Variants in EEA1 observed in about 807,000 individuals in gnomAD.
EEA1 encodes early endosome antigen 1, 162kD.
EEA1 carries 111 observed loss-of-function variants against 209.2 expected under a neutral mutation model. The observed-to-expected ratio is 0.53, with a 90% CI of 0.45 to 0.62. The LOEUF (loss-of-function observed/expected upper bound fraction) is 0.62, where lower values mean the gene tolerates loss of function less well. Ranked by LOEUF, EEA1 falls within the 20% of genes least tolerant of loss-of-function variation. EEA1 has a pLI of 0.00. For synonymous variants in EEA1, 536 were observed against 540.6 expected (o/e 0.99, Z 0.12); for missense variants, 1,343 against 1,530.8 (o/e 0.88, Z 2.05).
intron 10 of EEA1, among the ~76,000 whole-genome samples, chr12:92,834,577 TATAAG>T (rs999512469): frequency 7.3e-6 from 1 of 137,258 alleles, no homozygotes; most frequent in African/African-American, 2.6e-5. Context: ...AAAGAGTACT[TATAAG>T]AGAGGATGAC....
chr12:92,888,872 A>C (rs1879537443), intron 2 of EEA1, among the ~76,000 whole-genome samples: 1 of 152,064 alleles, frequency 6.6e-6, no homozygotes, highest in African/African-American at 2.4e-5. Flanking sequence ...AAAATGGGCC[A>C]GGCATGGTGA....
rs188411313 is a variant in EEA1 at position 92,851,152 on chromosome 12, C to A, written c.757G>T (p.Asp253Tyr). 6.2e-7 allele frequency: 1 copy of A among 1,613,638 alleles called. No homozygotes were observed. Among genetic ancestry groups the A allele is most frequent in the Non-Finnish European group, 8.5e-7 (1 of 1,179,854 alleles). Residue 253 changes from aspartate to tyrosine, a missense_variant, in exon 9 of 29, where the codon GAT becomes TAT. Coordinates refer to ENST00000322349, the MANE Select transcript of EEA1 (RefSeq NM_003566.4). ...ERERESEKLK[D>Y]ECKKLQSQYA... Reference sequence around the variant, plus strand: ...TGTGACTGCAATTTTTTGCATTCATCTTTGAGTTTTTCAGATTCTCGCTCA... The same window carrying A: ...TGTGACTGCAATTTTTTGCATTCATATTTGAGTTTTTCAGATTCTCGCTCA...
intron 2 of EEA1, 45 bp downstream of exon 2, chr12:92,891,584 T>C: frequency 7.1e-7 from 1 of 1,404,536 alleles, no homozygotes; most frequent in Non-Finnish European, 9.8e-7. Context: ...ATTTGCTCAT[T>C]TTCCCTTAAT....
chr12:92,842,689 A>C, intron 9 of EEA1, 108 bp from the exon 10 acceptor site: 1 of 701,980 alleles, frequency 1.4e-6, no homozygotes, highest in Non-Finnish European at 2.3e-6. Flanking sequence ...TGTTGTTGGA[A>C]TTTTCAATTT....
intron 1 of EEA1, among the ~76,000 whole-genome samples, chr12:92,926,205 C>T (rs1024434660): frequency 6.6e-6 from 1 of 151,968 alleles, no homozygotes; most frequent in Non-Finnish European, 1.5e-5. Flanking sequence ...GTTGGTCAGG[C>T]TGGTCTCGAA....
At chr12:92,795,556 G>A (rs1334525772) in intron 21 of EEA1, among the ~76,000 whole-genome samples, 1 of 152,172 alleles carries the variant, frequency 6.6e-6, no homozygotes, top group Non-Finnish European at 1.5e-5. Context: ...TATATTAACA[G>A]CCTAGATAAG....
chr12:92,808,799 T>C (rs112492678), intron 18 of EEA1, among the ~76,000 whole-genome samples: 13 of 152,344 alleles, frequency 8.5e-5, no homozygotes, highest in African/African-American at 3.1e-4. Flanking sequence ...GACCCAAATT[T>C]TATAAAACTA....
At chr12:92,815,557 G>A (rs1216468108) in intron 15 of EEA1, among the ~76,000 whole-genome samples, 1 of 151,928 alleles carries the variant, frequency 6.6e-6, no homozygotes, top group Non-Finnish European at 1.5e-5. Flanking sequence ...ATCAAGCCTT[G>A]AACTATTTCT....
chr12:92,813,128 T>A, intron 15 of EEA1, 35 bp from the exon 16 acceptor site: 1 of 1,377,940 alleles, frequency 7.3e-7, no homozygotes, highest in Non-Finnish European at 1.0e-6. Flanking sequence ...TAATTTATAT[T>A]TAGTTCTTGA....
intron 3 of EEA1, chr12:92,859,250 A>T: frequency 2.5e-6 from 4 of 1,610,202 alleles, no homozygotes; most frequent in Non-Finnish European, 3.4e-6. Context: ...TTCCCATGGG[A>T]AGTGCCCAAA....
intron 11 of EEA1, among the ~76,000 whole-genome samples, chr12:92,830,450 C>A (rs1876575776): frequency 6.6e-6 from 1 of 151,962 alleles, no homozygotes; most frequent in Non-Finnish European, 1.5e-5. Context: ...TATATTAGCT[C>A]GCTTAGGACA....
At chr12:92,841,431 T>A (rs1412033880) in intron 10 of EEA1, among the ~76,000 whole-genome samples, 2 of 152,078 alleles carry the variant, frequency 1.3e-5, no homozygotes, top group Non-Finnish European at 2.9e-5. Context: ...TGACACCAAA[T>A]AGACCTTAAC....
chr12:92,816,709 C>T (rs1305074724), intron 14 of EEA1, among the ~76,000 whole-genome samples: 1 of 152,212 alleles, frequency 6.6e-6, no homozygotes, highest in Non-Finnish European at 1.5e-5. Flanking sequence ...GCCATCACCA[C>T]AATCAAGATA....
At chr12:92,895,166 T>C (rs1379250648) in intron 1 of EEA1, among the ~76,000 whole-genome samples, 6 of 30,472 alleles carry the variant, frequency 2.0e-4, no homozygotes, top group Non-Finnish European at 4.2e-4. Flanking sequence ...TTTTTTTTTT[T>C]TTTTTTTGAG....
chr12:92,846,045 C>A (rs1326308623), intron 9 of EEA1, among the ~76,000 whole-genome samples: 1 of 152,116 alleles, frequency 6.6e-6, no homozygotes, highest in Admixed American at 6.6e-5. Flanking sequence ...AAACATCCTG[C>A]TGGTGCATTA....
intron 21 of EEA1, among the ~76,000 whole-genome samples, chr12:92,795,662 C>T (rs138273781): frequency 5.6e-4 from 86 of 152,298 alleles, no homozygotes; most frequent in Non-Finnish European, 1.0e-3. Context: ...TTGGTGCTAA[C>T]TGCCTATCGG....
At chr12:92,853,326 T>C (rs1284791231) in intron 6 of EEA1, among the ~76,000 whole-genome samples, 1 of 152,146 alleles carries the variant, frequency 6.6e-6, no homozygotes, top group South Asian at 2.1e-4. Context: ...ATCCATCAAA[T>C]GACCAAAAAG....
intron 8 of EEA1, among the ~76,000 whole-genome samples, chr12:92,851,750 T>C (rs1404917680): frequency 1.3e-5 from 2 of 152,110 alleles, no homozygotes; most frequent in African/African-American, 4.8e-5. Context: ...GTATTAGAGA[T>C]GTATGGTTCC....
chr12:92,904,765 T>G (rs916688446), intron 1 of EEA1, among the ~76,000 whole-genome samples: 2 of 152,172 alleles, frequency 1.3e-5, no homozygotes, highest in African/African-American at 4.8e-5. Flanking sequence ...GATGAAACAG[T>G]ATGTAAGGGA....
Sources: gnomAD v4.1 joint callset for allele counts (sites outside exome capture counted in the v4.1 genomes callset) on GRCh38, gnomAD v4.1.1 for gene constraint, MANE v1.5 for transcripts, NCBI Gene and HGNC (gene_info 2026-07-23, HGNC 2026-07-21) for gene names.